The following ZZEF1 variants were observed in gnomAD, a reference collection of about 807,000 sequenced individuals.
ZZEF1 encodes the protein zinc finger ZZ-type and EF-hand domain containing 1, also known as zinc finger ZZ-type and EF-hand domain-containing protein 1.
ZZEF1 carries 157 observed loss-of-function variants against 342.8 expected under a neutral mutation model. The observed-to-expected ratio is 0.46, with a 90% CI of 0.40 to 0.52. The LOEUF is 0.52. Ranked by LOEUF, ZZEF1 falls within the 20% of genes least tolerant of loss-of-function variation. The pLI, the probability that ZZEF1 is intolerant of heterozygous loss-of-function variation, is 0.00. For missense variants in ZZEF1, 3,480 were observed against 3,725.6 expected (o/e 0.93, Z 1.72); for synonymous variants, 1,505 against 1,429.1 (o/e 1.05, Z -1.20).
At chr17:4,079,027 TAAGTGA>T (rs2057674553) in intron 18 of ZZEF1, among the ~76,000 whole-genome samples, 1 of 152,168 alleles carries the variant, frequency 6.6e-6, no homozygotes, top group Non-Finnish European at 1.5e-5. Flanking sequence ...GTACCACAGG[TAAGTGA>T]AAGAGAAGAA....
rs916394731 is a variant in ZZEF1, at chr17:4,018,252, TA to T, written c.7506-282del. Among the ~76,000 whole-genome samples the T allele has an allele frequency of 1.7e-4, 26 of 152,214 alleles. No individual in the cohort carries two copies. In the South Asian group the frequency reaches 2.9e-3, roughly 17 times the overall value. On this transcript the variant is annotated intron_variant, in intron 46 of 54. Coordinates refer to ENST00000381638, the MANE Select transcript of ZZEF1 (RefSeq NM_015113.4). ...ATTAATTTAAATGTTTTATTTTCATTAAAAAAACATTTTTAAAAAAAATTTA... is the reference window on the plus strand; with the variant it reads ...ATTAATTTAAATGTTTTATTTTCATTAAAAAACATTTTTAAAAAAAATTTA...
In ZZEF1 at chr17:4,124,059, A is replaced by G; in HGVS notation, c.355-8T>C. ...ATCAAACTGGGCAAAGGCCTACAAGATAAGAGATGCAAGAAAATCAGGGCT... is the reference window on the plus strand; with the variant it reads ...ATCAAACTGGGCAAAGGCCTACAAGGTAAGAGATGCAAGAAAATCAGGGCT... On this transcript the variant is annotated splice_region_variant and splice_polypyrimidine_tract_variant and intron_variant, in intron 1 of 54. Transcript: ENST00000381638. 2 of 1,598,524 alleles carry G rather than the reference A, an allele frequency of 1.3e-6. No homozygotes were observed. Among genetic ancestry groups the G allele is most frequent in the Non-Finnish European group, 1.7e-6 (2 of 1,172,264 alleles).
At chr17:4,062,997 G>C (rs1040748020) in intron 29 of ZZEF1, 80 bp from the exon 30 acceptor site, 2 of 1,413,346 alleles carry the variant, frequency 1.4e-6, no homozygotes, top group African/African-American at 2.9e-5. Context: ...CCAAAGCCCT[G>C]ATGCCATATA....
rs2058431788 is a variant in ZZEF1, at chr17:4,118,389, A to C, written c.500-1223T>G. On this transcript the variant is annotated intron_variant, in intron 2 of 54. Coordinates refer to ENST00000381638, the MANE Select transcript of ZZEF1 (RefSeq NM_015113.4). Reference sequence around the variant, plus strand: ...TCAAAAGAAGAGTAGTTATCTGCAAAAGATAGTAGGGCCTTGCTCCAAAAT... The same window carrying C: ...TCAAAAGAAGAGTAGTTATCTGCAACAGATAGTAGGGCCTTGCTCCAAAAT... 2.0e-5 allele frequency among the ~76,000 whole-genome samples: 3 copies of C among 152,174 alleles called. No homozygotes were observed. In the South Asian group the frequency reaches 6.2e-4, roughly 32 times the overall value.
intron 42 of ZZEF1, among the ~76,000 whole-genome samples, chr17:4,031,864 A>C (rs1311446834): frequency 6.6e-6 from 1 of 152,208 alleles, no homozygotes; most frequent in Non-Finnish European, 1.5e-5. Context: ...GGAGAAATTA[A>C]ATGTTCAGAA....
rs1050049855 is a variant in ZZEF1, at chr17:4,034,640, C to T, written c.6307-348G>A. ...CCCTGCAACCATGGCCAGGAGATAA[C>T]AACTGTTAAGTGTGATGAATAGTCT... On this transcript the variant is annotated intron_variant, in intron 39 of 54. Coordinates refer to ENST00000381638, the MANE Select transcript of ZZEF1 (RefSeq NM_015113.4). Among the ~76,000 whole-genome samples the T allele has an allele frequency of 3.3e-5, 5 of 152,260 alleles. No individual in the cohort carries two copies. The East Asian group carries it at 9.6e-4, about 29-fold the overall frequency.
Position 4,075,098 on chromosome 17 carries a change from T to G in ZZEF1, c.3482A>C (p.Lys1161Thr), listed in dbSNP as rs1440264261. Residue 1161 changes from lysine (K) to threonine (T), a missense_variant and splice_region_variant, in exon 23 of 55, where the codon AAG (lysine) becomes ACG (threonine). By Grantham distance (78) the Lys-to-Thr change is moderately conservative (BLOSUM62 -1). Around this residue, in one of 5 missense-constraint regions of ZZEF1, gnomAD observed 1,528 missense variants for 1,624.1 expected, o/e 0.94. Transcript: ENST00000381638. ...CCTCTTTCTGGGACTATCACTCACCTTGGGCCATTTATCAGTGCCAACTTT... is the reference window on the plus strand; with the variant it reads ...CCTCTTTCTGGGACTATCACTCACCGTGGGCCATTTATCAGTGCCAACTTT... ...DTKVGTDKWPKKVTFKAGPRL... is the reference protein window; with the variant it reads ...DTKVGTDKWPTKVTFKAGPRL... 1 of 1,614,196 alleles carries G rather than the reference T, an allele frequency of 6.2e-7. No homozygotes were observed. The highest frequency in any genetic ancestry group is 8.5e-7 in the Non-Finnish European group (1 of 1,180,012).
chr17:4,080,534 A>C (rs1259989185), intron 18 of ZZEF1, among the ~76,000 whole-genome samples: 1 of 152,072 alleles, frequency 6.6e-6, no homozygotes, highest in Admixed American at 6.6e-5. Context: ...AAAGGGAACT[A>C]ATTTTTAATT....
intron 42 of ZZEF1, among the ~76,000 whole-genome samples, chr17:4,026,860 T>C (rs2056417586): frequency 6.6e-6 from 1 of 152,090 alleles, no homozygotes; most frequent in African/African-American, 2.4e-5. Context: ...TTTGCTAAGA[T>C]AAAACTCAGC....
chr17:4,004,478 CT>C lies in ZZEF1; in HGVS notation c.*2411del, dbSNP rs1448561552. The C allele has an allele frequency of 6.6e-6, 1 of 152,348 alleles. No individual in the cohort carries two copies. The allele number at this position is 152,348 out of a possible 1,614,324, so 9.4% of individuals were successfully genotyped here. ...TATATAGAATTTGTACAATATATTT[CT>C]TTTCGTTTGCATATTTTACCCACAG... On this transcript the variant is annotated 3_prime_UTR_variant, in exon 55 of 55. Coordinates refer to ENST00000381638, the MANE Select transcript of ZZEF1 (RefSeq NM_015113.4).
Position 4,034,261 on chromosome 17 carries a change from T to G in ZZEF1, c.6338A>C (p.His2113Pro), listed in dbSNP as rs776731149. 1.2e-6 allele frequency: 2 copies of G among 1,614,180 alleles called. No individual in the cohort carries two copies. The highest frequency in any genetic ancestry group is 1.7e-6 in the Non-Finnish European group (2 of 1,180,034). The change falls in exon 40 of 55, where the codon CAC becomes CCC. Residue 2113 changes from histidine (H) to proline (P), a missense_variant. His to Pro is a moderately conservative substitution (Grantham distance 77). This residue lies in a region of ZZEF1 where 1,269 missense variants were observed against 1,342.4 expected (regional missense o/e 0.95). Transcript: ENST00000381638. ...GPTVPLIDLE[H>P]VLPLMFQVVI... ...AACCTGAAACATGAGTGGAAGGACG[T>G]GCTCCAGGTCTATCAGGGGAACCGT...
intron 43 of ZZEF1, among the ~76,000 whole-genome samples, chr17:4,024,117 A>G (rs905740353): frequency 1.3e-5 from 2 of 149,142 alleles, no homozygotes; most frequent in Non-Finnish European, 3.0e-5. Flanking sequence ...ATTCCTCCCA[A>G]TCGCTGCCTC....
rs1456285798 is a variant in ZZEF1 at position 4,075,280 on chromosome 17, C to A, written c.3384G>T (p.Arg1128Ser). 1.1e-5 allele frequency: 18 copies of A among 1,614,052 alleles called. No individual in the cohort carries two copies. Among genetic ancestry groups the A allele is most frequent in the African/African-American group, 1.3e-5 (1 of 74,936 alleles). Residue 1128 changes from arginine to serine, a missense_variant, in exon 22 of 55, where the codon AGG becomes AGT. By Grantham distance (110) the Arg-to-Ser change is moderately radical. Transcript: ENST00000381638. The stretch of plus-strand genomic sequence containing the variant: ...AGTCTTACCTTTTTTCAGTTTCACA[C>A]CTGTCATCGAATTCCACTTCAAAAT... ...ATYFEVEFDD[R>S]CETEKRYDYL...
At chr17:4,089,356 A>G (rs1027034194) in intron 12 of ZZEF1, among the ~76,000 whole-genome samples, 3 of 152,188 alleles carry the variant, frequency 2.0e-5, no homozygotes, top group African/African-American at 7.2e-5. Context: ...CTTTCATGCA[A>G]ACTACCTGCT....
chr17:4,032,800 AG>A, intron 41 of ZZEF1, 27 bp downstream of exon 41: 1 of 1,609,530 alleles, frequency 6.2e-7, no homozygotes, highest in Non-Finnish European at 8.5e-7. Flanking sequence ...AGGGGTGACC[AG>A]GCCCTCAGGC....
rs1006641662 is a variant in ZZEF1 at position 4,004,685 on chromosome 17, A to T, written c.*2205T>A. On this transcript the variant is annotated 3_prime_UTR_variant, in exon 55 of 55. Transcript: ENST00000381638. Reference sequence around the variant, plus strand: ...TTGTACAACAGGTATGCTCTGGAACAGGATTTCTTTACAGCGTAGGCACGT... The same window carrying T: ...TTGTACAACAGGTATGCTCTGGAACTGGATTTCTTTACAGCGTAGGCACGT... 6 of 152,576 alleles carry T rather than the reference A, an allele frequency of 3.9e-5. No individual in the cohort carries two copies. Among genetic ancestry groups the T allele is most frequent in the Admixed American group, 3.3e-4 (5 of 15,314 alleles). 9.5% of individuals were successfully genotyped at this position (152,576 alleles called of 1,614,324 possible). A position where few individuals can be genotyped will look rare whatever the true frequency, so the allele number is the denominator to read the frequency against.
At chr17:4,074,705 C>T (rs1274373403) in intron 23 of ZZEF1, among the ~76,000 whole-genome samples, 2 of 152,200 alleles carry the variant, frequency 1.3e-5, no homozygotes, top group African/African-American at 4.8e-5. Context: ...ACCTCCAGCC[C>T]AAGAGCTCAA....
intron 5 of ZZEF1, among the ~76,000 whole-genome samples, chr17:4,110,871 C>T (rs866837835): frequency 1.2e-3 from 183 of 152,182 alleles, no homozygotes; most frequent in African/African-American, 3.7e-3. Context: ...TGCGCCACCA[C>T]GCCCGGCTAA....
Position 4,079,581 on chromosome 17 carries a change from A to C in ZZEF1, c.2830-1539T>G, listed in dbSNP as rs117038263. Among the ~76,000 whole-genome samples the C allele has an allele frequency of 5.5e-4, 84 of 152,298 alleles. 1 individual carries two copies. The East Asian group carries it at 0.013, about 24-fold the overall frequency. On this transcript the variant is annotated intron_variant, in intron 18 of 54. Coordinates refer to ENST00000381638, the MANE Select transcript of ZZEF1 (RefSeq NM_015113.4). Reference sequence around the variant, plus strand: ...AGAGAAAATTAATGTGACAGCAAAAAATAGAGCATAGTTTTTTAATTAAAA... The same window carrying C: ...AGAGAAAATTAATGTGACAGCAAAACATAGAGCATAGTTTTTTAATTAAAA...
Sources: allele counts gnomAD v4.1 joint callset (sites outside exome capture counted in the v4.1 genomes callset), GRCh38; gene constraint gnomAD v4.1.1; regional missense constraint gnomAD v4.1.1; transcripts MANE v1.5; gene names NCBI Gene and HGNC (gene_info 2026-07-23, HGNC 2026-07-21).